Variants in NCOR2 observed in about 807,000 individuals in gnomAD.
The protein encoded by NCOR2 is CTG repeat protein 26.
A neutral mutation model predicts 262.9 loss-of-function variants in NCOR2; 81 were observed. That is an observed-to-expected ratio of 0.31 (90% confidence interval 0.26 to 0.37). The LOEUF (loss-of-function observed/expected upper bound fraction) is 0.37, where lower values mean the gene tolerates loss of function less well. Among genes scored for constraint, NCOR2 ranks in the 10% least tolerant of loss-of-function variants. The probability of loss-of-function intolerance (pLI) is 1.00; values close to 1 mark genes in which losing one functional copy is unlikely to be tolerated. For synonymous variants in NCOR2, 1,659 were observed against 1,559.3 expected (o/e 1.06, Z -1.51); for missense variants, 3,385 against 3,621.4 (o/e 0.93, Z 1.68).
At chr12:124,468,812 A>C (rs1222773044) in intron 4 of NCOR2, among the ~76,000 whole-genome samples, 4 of 23,268 alleles carry the variant, frequency 1.7e-4, no homozygotes, top group Non-Finnish European at 2.5e-4. Flanking sequence ...CATCCTCATC[A>C]CCCCCATCAT....
rs1328192855 is a variant in NCOR2 at position 124,326,286 on chromosome 12, C to T, written c.7268G>A (p.Arg2423Gln). ...GTGCACTGAGGAGACAGAGGGTGGCCGGTCCCCAGATGCCAGGCCCGGGGC... is the reference window on the plus strand; with the variant it reads ...GTGCACTGAGGAGACAGAGGGTGGCTGGTCCCCAGATGCCAGGCCCGGGGC... The change falls in exon 46 of 47, where the codon CGG (arginine) becomes CAG (glutamine). Residue 2423 changes from arginine (R) to glutamine (Q), a missense_variant. By Grantham distance (43) the Arg-to-Gln change is conservative. Transcript: ENST00000405201. 3.8e-6 allele frequency: 6 copies of T among 1,566,058 alleles called. No individual in the cohort carries two copies. In the African/African-American group the frequency reaches 4.1e-5, roughly 11 times the overall value.
At chr12:124,505,612 T>C (rs1428636008) in intron 1 of NCOR2, among the ~76,000 whole-genome samples, 1 of 152,198 alleles carries the variant, frequency 6.6e-6, no homozygotes, top group Non-Finnish European at 1.5e-5. Flanking sequence ...CTTCCACAGC[T>C]GTGTGACCTT....
intron 23 of NCOR2, among the ~76,000 whole-genome samples, chr12:124,355,894 C>G (rs1221156205): frequency 1.3e-5 from 2 of 152,192 alleles, no homozygotes; most frequent in Non-Finnish European, 2.9e-5. Context: ...CCAAAAGGAC[C>G]TTTTTGGAAA....
chr12:124,325,247 G>C (rs1023506222), exon 47 of NCOR2: 3 of 463,622 alleles, frequency 6.5e-6, no homozygotes, highest in Non-Finnish European at 1.1e-5. Flanking sequence ...AGACAGGCAA[G>C]GATGCCGGCT....
At chr12:124,347,459 C>T (rs1040203199) in intron 30 of NCOR2, 8 of 240,866 alleles carry the variant, frequency 3.3e-5, no homozygotes, top group Middle Eastern at 2.7e-3. Context: ...ATGGACCAGC[C>T]GCGAGAACCT....
intron 1 of NCOR2, among the ~76,000 whole-genome samples, chr12:124,518,518 C>G (rs1376414031): frequency 6.6e-6 from 1 of 152,262 alleles, no homozygotes; most frequent in African/African-American, 2.4e-5. Context: ...ACGGCTGGGC[C>G]GTGAACGAGA....
At chr12:124,513,243 A>G (rs1400241132) in intron 1 of NCOR2, 6 of 152,244 alleles carry the variant, frequency 3.9e-5, no homozygotes, top group African/African-American at 1.4e-4. Context: ...GCTCATTGTC[A>G]TGCAAATGAA....
chr12:124,389,459 G>A lies in NCOR2; in HGVS notation c.1877-3572C>T, dbSNP rs1014558612. Among the ~76,000 whole-genome samples, 2 of 152,140 alleles carry A rather than the reference G, an allele frequency of 1.3e-5. No homozygotes were observed. Among genetic ancestry groups the A allele is most frequent in the Non-Finnish European group, 2.9e-5 (2 of 68,014 alleles). Reference sequence around the variant, plus strand: ...CTCTCTCCCCATCCGCGGCGGTGGCGGCGTCAGCAGTGGTAAGAACAGATG... The same window carrying A: ...CTCTCTCCCCATCCGCGGCGGTGGCAGCGTCAGCAGTGGTAAGAACAGATG... On this transcript the variant is annotated intron_variant, in intron 16 of 46. Transcript: ENST00000405201. The surrounding 1 kb of genome is among the most constrained non-coding windows in gnomAD (Gnocchi z 4.4).
At chr12:124,528,764 C>G (rs1223715209) in intron 1 of NCOR2, among the ~76,000 whole-genome samples, 2 of 152,212 alleles carry the variant, frequency 1.3e-5, no homozygotes, top group East Asian at 3.9e-4. Context: ...ACGGAGCTGG[C>G]ACCTCCTAGC....
rs536585837 is a variant in NCOR2 at position 124,402,037 on chromosome 12, T to TC, written c.1640+366dup. Among the ~76,000 whole-genome samples, 20 of 151,938 alleles carry TC rather than the reference T, an allele frequency of 1.3e-4. No individual in the cohort carries two copies. In the East Asian group the frequency reaches 3.9e-3, roughly 29 times the overall value. Reference sequence around the variant, plus strand: ...TCCAGGAGGGCCTCTGATCCCCCTTTCCCCCTTCCTGGCGCCTCAGGAGGA... The same window carrying TC: ...TCCAGGAGGGCCTCTGATCCCCCTTTCCCCCCTTCCTGGCGCCTCAGGAGGA... On this transcript the variant is annotated intron_variant, in intron 14 of 46. Transcript: ENST00000405201.
chr12:124,378,476 G>A lies in NCOR2; in HGVS notation c.2020-92C>T. 1 of 1,326,806 alleles carries A rather than the reference G, an allele frequency of 7.5e-7. No homozygotes were observed. Among genetic ancestry groups the A allele is most frequent in the Non-Finnish European group, 1.0e-6 (1 of 985,238 alleles). 82.2% of individuals were successfully genotyped at this position (1,326,806 alleles called of 1,614,324 possible). A position where few individuals can be genotyped will look rare whatever the true frequency, so the allele number is the denominator to read the frequency against. On this transcript the variant is annotated intron_variant, in intron 17 of 46. Transcript: ENST00000405201. This position sits in a 1 kb window ranked among gnomAD's most constrained non-coding sequence, Gnocchi z 4.2. ...CTGGGGCCTCGCCGCAGGTGCAAAG[G>A]GCAGTGATCCCGGCCATGTAGCAAT...
intron 1 of NCOR2, among the ~76,000 whole-genome samples, chr12:124,563,626 A>G (rs1223952616): frequency 6.6e-6 from 1 of 152,268 alleles, no homozygotes; most frequent in Non-Finnish European, 1.5e-5. Context: ...CTGGAGCACC[A>G]TGCTAAATAA....
intron 20 of NCOR2, among the ~76,000 whole-genome samples, chr12:124,370,455 C>T (rs2039407520): frequency 6.6e-6 from 1 of 152,192 alleles, no homozygotes; most frequent in African/African-American, 2.4e-5. Context: ...CCCCGCATGA[C>T]CCTGCGGGTC....
At chr12:124,435,725 C>T (rs1475073539) in intron 8 of NCOR2, among the ~76,000 whole-genome samples, 1 of 152,174 alleles carries the variant, frequency 6.6e-6, no homozygotes, top group Non-Finnish European at 1.5e-5. Flanking sequence ...TCAGCCCCAC[C>T]ATGTGGCCGC....
At chr12:124,360,620 C>A (rs1232283823) in intron 22 of NCOR2, among the ~76,000 whole-genome samples, 2 of 152,184 alleles carry the variant, frequency 1.3e-5, no homozygotes, top group Non-Finnish European at 2.9e-5. Context: ...CTGAGAGGCC[C>A]CACACAATCC....
chr12:124,327,991 C>G (rs2135723700), intron 44 of NCOR2, among the ~76,000 whole-genome samples: 1 of 152,046 alleles, frequency 6.6e-6, no homozygotes, highest in African/African-American at 2.4e-5. Flanking sequence ...GTCTGCACCT[C>G]CAATCCTAGC....
chr12:124,398,427 G>A (rs1704203471), intron 15 of NCOR2, among the ~76,000 whole-genome samples: 1 of 152,218 alleles, frequency 6.6e-6, no homozygotes, highest in Non-Finnish European at 1.5e-5. Flanking sequence ...CGTGCCGTTG[G>A]TCGGGGCCAA....
At chr12:124,326,200 A>G in exon 46 of NCOR2, 1 of 1,530,470 alleles carries the variant, frequency 6.5e-7, no homozygotes, top group African/African-American at 1.4e-5. Context: ...CCTGCGGACG[A>G]GGGCCTGTCC....
chr12:124,414,140 G>A (rs1291509777), intron 13 of NCOR2, among the ~76,000 whole-genome samples: 1 of 152,220 alleles, frequency 6.6e-6, no homozygotes, highest in African/African-American at 2.4e-5. Flanking sequence ...CTTCCAGAAG[G>A]CTGGCTTTAT....
Sources: allele counts gnomAD v4.1 joint callset (sites outside exome capture counted in the v4.1 genomes callset), GRCh38; gene constraint gnomAD v4.1.1; non-coding constraint Gnocchi (gnomAD v3.1); transcripts MANE v1.5; gene names NCBI Gene and HGNC (gene_info 2026-07-23, HGNC 2026-07-21).